The following HIPK3 variants were observed in gnomAD, a reference collection of about 807,000 sequenced individuals.
HIPK3 encodes homeodomain interacting protein kinase 3.
A neutral mutation model predicts 124.2 loss-of-function variants in HIPK3; 47 were observed. The ratio of observed to expected loss-of-function variants is 0.38; its 90% CI spans 0.30 to 0.48. HIPK3 has a LOEUF of 0.48. HIPK3 is among the 20% of genes least tolerant of loss of function. HIPK3 has a pLI of 0.98. For missense variants in HIPK3, 1,286 were observed against 1,454.3 expected, an observed-to-expected ratio of 0.88 and a Z score of 1.88; for synonymous variants, 482 against 515.2, an observed-to-expected ratio of 0.94 and a Z score of 0.87.
chr11:33,332,413 T>TA (rs1853012781), intron 3 of HIPK3, among the ~76,000 whole-genome samples: 1 of 152,224 alleles, frequency 6.6e-6, no homozygotes, highest in Non-Finnish European at 1.5e-5. Context: ...TTACAGGACT[T>TA]ATATTTACTA....
At chr11:33,299,640 C>T (rs1851936915) in intron 2 of HIPK3, among the ~76,000 whole-genome samples, 1 of 152,156 alleles carries the variant, frequency 6.6e-6, no homozygotes, top group South Asian at 2.1e-4. Context: ...AGAAGTTCTC[C>T]TGTGGGTAAA....
At chr11:33,298,194 A>ATCGACTCTGCC (rs942136929) in intron 2 of HIPK3, among the ~76,000 whole-genome samples, 6 of 152,166 alleles carry the variant, frequency 3.9e-5, no homozygotes, top group African/African-American at 1.2e-4. Flanking sequence ...ATTACGCCAA[A>ATCGACTCTGCC]TCGACTCTGC....
intron 2 of HIPK3, among the ~76,000 whole-genome samples, chr11:33,307,458 G>A (rs1267863373): frequency 4.0e-5 from 6 of 150,088 alleles, no homozygotes; most frequent in Non-Finnish European, 7.4e-5. Flanking sequence ...GAGTGCAGTG[G>A]CGTGATCTCG....
intron 3 of HIPK3, chr11:33,335,614 C>T (rs1033490842): frequency 6.0e-5 from 9 of 149,778 alleles, no homozygotes; most frequent in African/African-American, 2.0e-4. Flanking sequence ...AAGGGTAAGA[C>T]GAGAGAGTTA....
chr11:33,296,195 A>T (rs1346106186), intron 2 of HIPK3, among the ~76,000 whole-genome samples: 1 of 152,148 alleles, frequency 6.6e-6, no homozygotes, highest in Admixed American at 6.6e-5. Context: ...CAGAGAGAGC[A>T]TCTTTCTTTA....
intron 8 of HIPK3, among the ~76,000 whole-genome samples, chr11:33,342,102 C>CAAAAAAAAA (rs58073130): frequency 7.2e-5 from 4 of 55,584 alleles, no homozygotes; most frequent in African/African-American, 3.0e-4. Flanking sequence ...GACTCTGTCT[C>CAAAAAAAAA]AAAAAAAAAA....
chr11:33,262,335 AAGAT>A (rs1215954994), intron 1 of HIPK3, among the ~76,000 whole-genome samples: 1 of 152,212 alleles, frequency 6.6e-6, no homozygotes, highest in East Asian at 1.9e-4. Context: ...TTGTAGGACA[AAGAT>A]AGAATAGATA....
At chr11:33,331,736 A>G (rs1852991411) in intron 3 of HIPK3, among the ~76,000 whole-genome samples, 1 of 152,130 alleles carries the variant, frequency 6.6e-6, no homozygotes, top group Admixed American at 6.6e-5. Flanking sequence ...AGTGGGCAAT[A>G]GTAATATTAA....
rs555998015 is a variant in HIPK3, at chr11:33,299,469, T to G, written c.1097+11958T>G. On this transcript the variant is annotated intron_variant, in intron 2 of 16. Coordinates refer to ENST00000303296, the MANE Select transcript of HIPK3 (RefSeq NM_005734.5). ...GCCTGGGCTGCAGAACGAGACTCTG[T>G]CTCAAAAAAAAAAGAAAAGAAAGTG... 2.0e-5 allele frequency among the ~76,000 whole-genome samples: 3 copies of G among 151,070 alleles called. No individual in the cohort carries two copies. The East Asian group carries it at 5.9e-4, about 30-fold the overall frequency.
chr11:33,329,112 C>T (rs1046599223), intron 3 of HIPK3, among the ~76,000 whole-genome samples: 1 of 152,086 alleles, frequency 6.6e-6, no homozygotes, highest in African/African-American at 2.4e-5. Context: ...TCTTTTAGCA[C>T]TGTTTAATGA....
intron 1 of HIPK3, among the ~76,000 whole-genome samples, chr11:33,272,503 GTTC>G (rs1851154140): frequency 6.6e-6 from 1 of 152,168 alleles, no homozygotes; most frequent in East Asian, 1.9e-4. Flanking sequence ...TTACATTGCT[GTTC>G]TTTAGTTTTT....
At chr11:33,307,611 T>C (rs984066859) in intron 2 of HIPK3, among the ~76,000 whole-genome samples, 2 of 151,526 alleles carry the variant, frequency 1.3e-5, no homozygotes, top group Non-Finnish European at 2.9e-5. Context: ...TTTCACCGTG[T>C]TAGCCAGGAT....
intron 2 of HIPK3, among the ~76,000 whole-genome samples, chr11:33,316,428 C>T (rs1190731745): frequency 6.6e-6 from 1 of 152,200 alleles, no homozygotes; most frequent in Non-Finnish European, 1.5e-5. Flanking sequence ...AAAGAGTCTC[C>T]TTTATGGTAT....
chr11:33,335,553 G>A (rs190450331), intron 3 of HIPK3: 56 of 152,264 alleles, frequency 3.7e-4, no homozygotes, highest in African/African-American at 1.3e-3. Flanking sequence ...AATTCAGATT[G>A]CAGTGTGTTG....
At chr11:33,345,873 A>G (rs1853476684) in intron 8 of HIPK3, among the ~76,000 whole-genome samples, 1 of 152,180 alleles carries the variant, frequency 6.6e-6, no homozygotes, top group Non-Finnish European at 1.5e-5. Context: ...CTTTAGGATT[A>G]ACACTTACAT....
chr11:33,333,101 C>T (rs768683787), intron 3 of HIPK3, among the ~76,000 whole-genome samples: 19 of 152,136 alleles, frequency 1.2e-4, no homozygotes, highest in Non-Finnish European at 2.4e-4. Flanking sequence ...GCCCTACCTC[C>T]AACACTGGGG....
chr11:33,301,068 T>A (rs1306623111), intron 2 of HIPK3, among the ~76,000 whole-genome samples: 1 of 152,220 alleles, frequency 6.6e-6, no homozygotes, highest in Non-Finnish European at 1.5e-5. Context: ...TTCATGCTGA[T>A]ATGTCCAATT....
At chr11:33,338,633 T>C in intron 4 of HIPK3, 124 bp from the exon 5 acceptor site, 1 of 521,418 alleles carries the variant, frequency 1.9e-6, no homozygotes, top group East Asian at 3.3e-5. Flanking sequence ...AAAATACATT[T>C]TTGATAGTGT....
At chr11:33,278,715 A>G (rs1851333390) in intron 1 of HIPK3, among the ~76,000 whole-genome samples, 1 of 152,096 alleles carries the variant, frequency 6.6e-6, no homozygotes. Flanking sequence ...GTGGTGGTGG[A>G]CGCCTGTAGT....
Sources: allele counts gnomAD v4.1 joint callset (sites outside exome capture counted in the v4.1 genomes callset), GRCh38; gene constraint gnomAD v4.1.1; transcripts MANE v1.5; gene names NCBI Gene and HGNC (gene_info 2026-07-23, HGNC 2026-07-21).